Variants in MALT1 observed in about 807,000 individuals in gnomAD.
MALT1 encodes the protein MALT1 paracaspase.
A neutral mutation model predicts 85.5 loss-of-function variants in MALT1; 36 were observed. The observed-to-expected ratio is 0.42, with a 90% CI of 0.32 to 0.56. The LOEUF is 0.56. Ranked by LOEUF, MALT1 falls within the 20% of genes least tolerant of loss-of-function variation. The pLI is 0.10. For synonymous variants in MALT1, 359 were observed against 361.3 expected (o/e 0.99, Z 0.07); for missense variants, 716 against 981.6 (o/e 0.73, Z 3.62).
At chr18:58,694,763 C>G (rs557497802) in intron 2 of MALT1, among the ~76,000 whole-genome samples, 1 of 152,312 alleles carries the variant, frequency 6.6e-6, no homozygotes, top group Admixed American at 6.5e-5. Flanking sequence ...GAGGGTCTCT[C>G]GTGAGGCAGC....
chr18:58,744,291 T>G (rs544928569), intron 14 of MALT1, 47 bp from the exon 15 acceptor site: 1 of 1,393,996 alleles, frequency 7.2e-7, no homozygotes, highest in African/African-American at 1.4e-5. Flanking sequence ...TATTTGCCTC[T>G]TATCATCAGA....
At chr18:58,715,829 CTA>C in intron 8 of MALT1, 104 bp from the exon 9 acceptor site, 5 of 781,886 alleles carry the variant, frequency 6.4e-6, no homozygotes, top group Non-Finnish European at 1.1e-5. Context: ...AGAGTAGAAA[CTA>C]TATTCTGTAA....
intron 10 of MALT1, among the ~76,000 whole-genome samples, chr18:58,725,312 A>ACTTGGAAT (rs2055039396): frequency 6.6e-6 from 1 of 152,078 alleles, no homozygotes; most frequent in South Asian, 2.1e-4. Flanking sequence ...ACAGAATGAG[A>ACTTGGAAT]CTTGGAATCT....
At chr18:58,733,068 G>A (rs2055174608) in intron 10 of MALT1, among the ~76,000 whole-genome samples, 1 of 151,926 alleles carries the variant, frequency 6.6e-6, no homozygotes, top group Non-Finnish European at 1.5e-5. Context: ...CCACCACCAC[G>A]CCCAGCCAAT....
rs567816692 is a variant in MALT1, at chr18:58,693,510, C to T, written c.377-2856C>T. ...TTTTCAGTGTAGATGAAACAGCCTT[C>T]TATTGGAAGAAGATGTCATCTAGAA... On this transcript the variant is annotated intron_variant, in intron 2 of 16. Coordinates refer to ENST00000649217, the MANE Select transcript of MALT1 (RefSeq NM_006785.4). Among the ~76,000 whole-genome samples, 13 of 152,288 alleles carry T rather than the reference C, an allele frequency of 8.5e-5. 1 individual carries two copies. The South Asian group carries it at 2.7e-3, about 32-fold the overall frequency.
intron 2 of MALT1, chr18:58,691,343 GTTTGC>G: frequency 1.2e-6 from 1 of 852,184 alleles, no homozygotes. Flanking sequence ...AGATGATCCT[GTTTGC>G]TTTTGGCATT....
chr18:58,692,441 T>TCTCC (rs34461599), intron 2 of MALT1, among the ~76,000 whole-genome samples: 15 of 119,628 alleles, frequency 1.3e-4, no homozygotes, highest in South Asian at 5.6e-4. Context: ...TCTCTCACTC[T>TCTCC]CTCCCTCCCT....
chr18:58,711,108 G>A (rs2054825422), intron 7 of MALT1, among the ~76,000 whole-genome samples, 155 bp downstream of exon 7: 1 of 152,146 alleles, frequency 6.6e-6, no homozygotes, highest in South Asian at 2.1e-4. Flanking sequence ...AATCTTTGAA[G>A]TTTTATAAAT....
At chr18:58,699,119 C>T (rs944274656) in intron 3 of MALT1, among the ~76,000 whole-genome samples, 20 of 152,182 alleles carry the variant, frequency 1.3e-4, no homozygotes, top group African/African-American at 4.6e-4. Context: ...GAGTGGGTCT[C>T]CACAGATCTT....
intron 9 of MALT1, among the ~76,000 whole-genome samples, chr18:58,719,534 G>A (rs1375008124): frequency 2.0e-5 from 3 of 152,164 alleles, no homozygotes; most frequent in Non-Finnish European, 2.9e-5. Context: ...AACTGTCAGA[G>A]CTTTTAAGGG....
At chr18:58,718,176 A>G (rs2054930252) in intron 9 of MALT1, among the ~76,000 whole-genome samples, 1 of 152,228 alleles carries the variant, frequency 6.6e-6, no homozygotes, top group East Asian at 1.9e-4. Context: ...GACAGGATTG[A>G]AACCCATCTA....
In MALT1 at chr18:58,737,573, CTTTT is replaced by C. The variant is rs542313784; in HGVS notation, c.1603+2248_1603+2251del. Among the ~76,000 whole-genome samples, 230 of 151,810 alleles carry C rather than the reference CTTTT, an allele frequency of 1.5e-3. 1 individual carries two copies. The highest frequency in any genetic ancestry group is 0.014 in the Middle Eastern group (4 of 292). On this transcript the variant is annotated intron_variant, in intron 13 of 16. Transcript: ENST00000649217. ...GGGAAAATAAACATGTTACCAATTT[CTTTT>C]TTTAATTTTTTGGTTTCTTTGTGTG... is the stretch of plus-strand genomic sequence containing the variant.
chr18:58,731,873 CATG>C (rs2055155730), intron 10 of MALT1, among the ~76,000 whole-genome samples: 1 of 152,146 alleles, frequency 6.6e-6, no homozygotes, highest in African/African-American at 2.4e-5. Flanking sequence ...TCAGTGCCTA[CATG>C]ATAACTTCCA....
intron 1 of MALT1, among the ~76,000 whole-genome samples, chr18:58,674,499 G>C (rs1000033680): frequency 6.6e-6 from 1 of 152,120 alleles, no homozygotes; most frequent in Non-Finnish European, 1.5e-5. Flanking sequence ...GGGGTGAGAA[G>C]GGTTGGAGAA....
chr18:58,690,731 C>A, intron 2 of MALT1: 1 of 203,766 alleles, frequency 4.9e-6, no homozygotes. Flanking sequence ...CTTTCACCAG[C>A]GTTGCCGCCT....
chr18:58,691,392 G>A, intron 2 of MALT1: 3 of 608,678 alleles, frequency 4.9e-6, no homozygotes, highest in Non-Finnish European at 8.4e-6. Context: ...CTGTGGCAAT[G>A]ACACCAAGAT....
chr18:58,696,126 A>G (rs1602295260), intron 2 of MALT1, among the ~76,000 whole-genome samples: 2 of 152,294 alleles, frequency 1.3e-5, no homozygotes, highest in East Asian at 3.9e-4. Flanking sequence ...TCCCCCACCC[A>G]ATCATGGGGA....
Position 58,749,726 on chromosome 18 carries a change from T to G in MALT1, c.*1884T>G. On this transcript the variant is annotated 3_prime_UTR_variant, in exon 17 of 17. Coordinates refer to ENST00000649217, the MANE Select transcript of MALT1 (RefSeq NM_006785.4). The stretch of plus-strand genomic sequence containing the variant: ...AAGCACAAAACCCACACAGATTGTC[T>G]TATTACAGCATTTGATAAAATCCAA... 4.5e-6 allele frequency: 1 copy of G among 220,076 alleles called. No homozygotes were observed. The highest frequency in any genetic ancestry group is 9.1e-6 in the Non-Finnish European group (1 of 109,772). 13.6% of individuals were successfully genotyped at this position (220,076 alleles called of 1,614,324 possible).
intron 2 of MALT1, among the ~76,000 whole-genome samples, chr18:58,685,634 G>A (rs1280758231): frequency 6.6e-6 from 1 of 152,198 alleles, no homozygotes; most frequent in Non-Finnish European, 1.5e-5. Context: ...ATTTTGTGAA[G>A]GAGCCTCAGA....
Sources: gnomAD v4.1 joint callset for allele counts (sites outside exome capture counted in the v4.1 genomes callset) on GRCh38, gnomAD v4.1.1 for gene constraint, MANE v1.5 for transcripts, NCBI Gene and HGNC (gene_info 2026-07-23, HGNC 2026-07-21) for gene names.